Variants in MOCOS observed in about 807,000 individuals in gnomAD.
MOCOS encodes the protein human molybdenum cofactor sulfurase.
A neutral mutation model predicts 83.6 loss-of-function variants in MOCOS; 86 were observed. The observed-to-expected ratio is 1.03, with a 90% CI of 0.86 to 1.23. The LOEUF (loss-of-function observed/expected upper bound fraction) is 1.23, where lower values mean the gene tolerates loss of function less well. MOCOS is among the 50% of genes most tolerant of loss of function. The pLI, the probability that MOCOS is intolerant of heterozygous loss-of-function variation, is 0.00. For missense variants in MOCOS, 1,120 were observed against 1,126.9 expected (o/e 0.99, Z 0.09); for synonymous variants, 445 against 434.7 (o/e 1.02, Z -0.29).
At chr18:36,206,538 GC>G (rs1326813044) in intron 6 of MOCOS, among the ~76,000 whole-genome samples, 2 of 152,060 alleles carry the variant, frequency 1.3e-5, no homozygotes, top group Non-Finnish European at 2.9e-5. Context: ...GAGCCACTGT[GC>G]CCGGCGTTCT....
chr18:36,200,147 C>T lies in MOCOS; in HGVS notation c.764C>T (p.Ala255Val). 1.2e-6 allele frequency: 2 copies of T among 1,614,206 alleles called. No homozygotes were observed. The highest frequency in any genetic ancestry group is 8.5e-7 in the Non-Finnish European group (1 of 1,180,042). Residue 255 changes from alanine to valine, a missense_variant, in exon 4 of 15, where the codon GCC (alanine) becomes GTC (valine). Coordinates refer to ENST00000261326, the MANE Select transcript of MOCOS (RefSeq NM_017947.4). ...CCTTTGGACCTGTCAGCTCACCAGG[C>T]CGACTTTGTCCCCATCTCCTTCTAT... ...TSPLDLSAHQADFVPISFYKI... is the reference protein window; with the variant it reads ...TSPLDLSAHQVDFVPISFYKI...
rs764624608 is a variant in MOCOS, at chr18:36,200,110, G to T, written c.727G>T (p.Val243Leu). The change falls in exon 4 of 15, where the codon GTG becomes TTG. Residue 243 changes from valine to leucine, a missense_variant. Val to Leu is a conservative substitution (Grantham distance 32, BLOSUM62 1). Coordinates refer to ENST00000261326, the MANE Select transcript of MOCOS (RefSeq NM_017947.4). Reference sequence around the variant, plus strand: ...TGTGCTGCTGGATGCAGCCTCCTACGTGAGCACCTCGCCTTTGGACCTGTC... The same window carrying T: ...TGTGCTGCTGGATGCAGCCTCCTACTTGAGCACCTCGCCTTTGGACCTGTC... Reference protein sequence around the residue: ...WFVLLDAASYVSTSPLDLSAH... With the variant: ...WFVLLDAASYLSTSPLDLSAH... 1 of 1,614,220 alleles carries T rather than the reference G, an allele frequency of 6.2e-7. No individual in the cohort carries two copies. The highest frequency in any genetic ancestry group is 8.5e-7 in the Non-Finnish European group (1 of 1,180,042).
Position 36,270,296 on chromosome 18 carries a change from C to T in MOCOS, c.*1611C>T, listed in dbSNP as rs138734432. On this transcript the variant is annotated 3_prime_UTR_variant, in exon 15 of 15. Transcript: ENST00000261326. ...AAAGTAATGGATTTATCCACCTACTCAGGCCAGTTTCATGCAGGAGGGAAC... is the reference window on the plus strand; with the variant it reads ...AAAGTAATGGATTTATCCACCTACTTAGGCCAGTTTCATGCAGGAGGGAAC... The T allele has an allele frequency of 2.6e-5, 4 of 152,356 alleles. No individual in the cohort carries two copies. The East Asian group carries it at 7.7e-4, about 29-fold the overall frequency. The allele number at this position is 152,356 out of a possible 1,614,324, so 9.4% of individuals were successfully genotyped here.
intron 9 of MOCOS, among the ~76,000 whole-genome samples, chr18:36,244,314 G>A (rs546206375): frequency 6.6e-6 from 1 of 151,926 alleles, no homozygotes; most frequent in African/African-American, 2.4e-5. Flanking sequence ...GGTTGTGATT[G>A]GTTGTGTCAC....
Position 36,215,895 on chromosome 18 carries a change from C to T in MOCOS, c.1715C>T (p.Ala572Val). ...RTQPTPSEKA[A>V]GVLEGALGPH... ...CAGCCGACTCCTTCAGAGAAAGCTG[C>T]AGGAGTCCTGGAGGGGGCCCTTGGG... Residue 572 changes from alanine (A) to valine (V), a missense_variant, in exon 8 of 15, where the codon GCA becomes GTA. By Grantham distance (64) the Ala-to-Val change is moderately conservative. Transcript: ENST00000261326. The T allele has an allele frequency of 1.1e-5, 17 of 1,614,062 alleles. No homozygotes were observed. The highest frequency in any genetic ancestry group is 1.4e-5 in the Non-Finnish European group (17 of 1,179,910).
intron 11 of MOCOS, among the ~76,000 whole-genome samples, chr18:36,255,815 G>C (rs1235848532): frequency 1.3e-5 from 2 of 151,934 alleles, no homozygotes; most frequent in Admixed American, 6.6e-5. Context: ...TGGGAACTGG[G>C]TGATAGGGTG....
intron 11 of MOCOS, among the ~76,000 whole-genome samples, chr18:36,251,972 A>AT (rs1201118442): frequency 1.3e-5 from 2 of 151,886 alleles, no homozygotes; most frequent in African/African-American, 2.4e-5. Flanking sequence ...TCAGTGGCAC[A>AT]TTTTTTTCAC....
chr18:36,211,344 G>A (rs78163655), intron 6 of MOCOS, among the ~76,000 whole-genome samples: 2,004 of 152,300 alleles, frequency 0.013, 22 homozygotes, highest in Middle Eastern at 0.041. Context: ...GGGACTCAGA[G>A]TCTGTCTGCC....
rs1301623059 is a variant in MOCOS, at chr18:36,187,688, C to T, written c.142+7C>T. On this transcript the variant is annotated splice_region_variant and intron_variant, in intron 1 of 14. Coordinates refer to ENST00000261326, the MANE Select transcript of MOCOS (RefSeq NM_017947.4). ...GAGTTCAGCCGCCTGGCAGGTGAGG[C>T]GGGCGGGCAGGCTTGGGGGACACGA... 7.1e-6 allele frequency: 9 copies of T among 1,265,044 alleles called. No homozygotes were observed. The highest frequency in any genetic ancestry group is 3.6e-5 in the South Asian group (1 of 28,116). 78.4% of individuals were successfully genotyped at this position (1,265,044 alleles called of 1,614,324 possible).
In MOCOS at chr18:36,198,597, C is replaced by G. The variant is rs370924001; in HGVS notation, c.233-93C>G. The G allele has an allele frequency of 3.9e-6, 5 of 1,287,406 alleles. No homozygotes were observed. The African/African-American group carries it at 5.9e-5, about 15-fold the overall frequency. 79.7% of individuals were successfully genotyped at this position (1,287,406 alleles called of 1,614,324 possible). ...GGTGATATGGTAGTTTTATGTTGAGCTTTTTGAGAAACTGAGGGAGTGGAT... is the reference window on the plus strand; with the variant it reads ...GGTGATATGGTAGTTTTATGTTGAGGTTTTTGAGAAACTGAGGGAGTGGAT... On this transcript the variant is annotated intron_variant, in intron 2 of 14. Transcript: ENST00000261326.
chr18:36,201,734 G>C (rs79185644), intron 4 of MOCOS, among the ~76,000 whole-genome samples: 4 of 150,698 alleles, frequency 2.7e-5, no homozygotes, highest in Non-Finnish European at 4.4e-5. Context: ...CAGAATGGTA[G>C]GGATCAATGT....
At chr18:36,268,463 T>C in intron 14 of MOCOS, 70 bp from the exon 15 acceptor site, 1 of 1,597,966 alleles carries the variant, frequency 6.3e-7, no homozygotes, top group African/African-American at 1.3e-5. Flanking sequence ...TAAACATTAA[T>C]ATTTACAAAG....
At chr18:36,199,548 C>A in intron 3 of MOCOS, 135 bp from the exon 4 acceptor site, 1 of 1,411,066 alleles carries the variant, frequency 7.1e-7, no homozygotes, top group Non-Finnish European at 9.8e-7. Context: ...TGCCCTCGCC[C>A]TAATTTCGCA....
In MOCOS at chr18:36,268,782, A is replaced by C. The variant is rs550927555; in HGVS notation, c.*97A>C. 1 of 1,062,934 alleles carries C rather than the reference A, an allele frequency of 9.4e-7. No individual in the cohort carries two copies. Among genetic ancestry groups the C allele is most frequent in the South Asian group, 1.3e-5 (1 of 75,690 alleles). The allele number at this position is 1,062,934 out of a possible 1,614,324, so 65.8% of individuals were successfully genotyped here. ...GTAGAACTTGATGTTTTGAATAAGG[A>C]GAGCTCTTTTTCTTTAGAGGCAGGG... On this transcript the variant is annotated 3_prime_UTR_variant, in exon 15 of 15. Transcript: ENST00000261326.
At chr18:36,222,016 C>T (rs548215019) in intron 9 of MOCOS, among the ~76,000 whole-genome samples, 13 of 152,292 alleles carry the variant, frequency 8.5e-5, no homozygotes, top group African/African-American at 2.4e-4. Flanking sequence ...TAAGCCACTG[C>T]GCTGGCCCTA....
Position 36,214,932 on chromosome 18 carries a change from G to A in MOCOS, c.1336-584G>A, listed in dbSNP as rs145815400. Among the ~76,000 whole-genome samples, 504 of 152,318 alleles carry A rather than the reference G, an allele frequency of 3.3e-3. 1 individual carries two copies. Among genetic ancestry groups the A allele is most frequent in the Non-Finnish European group, 4.7e-3 (323 of 68,032 alleles). On this transcript the variant is annotated intron_variant, in intron 7 of 14. Coordinates refer to ENST00000261326, the MANE Select transcript of MOCOS (RefSeq NM_017947.4). ...GACCTGTGACCAACACCAGGCAGCC[G>A]GGCTCGGAGACTGAGATTCTCCTGC... is the stretch of plus-strand genomic sequence containing the variant.
At chr18:36,192,128 AAAC>A (rs1376942110) in intron 1 of MOCOS, among the ~76,000 whole-genome samples, 1 of 152,250 alleles carries the variant, frequency 6.6e-6, no homozygotes, top group Non-Finnish European at 1.5e-5. Flanking sequence ...TTAGGCAAGA[AAAC>A]AAAATAGAAG....
chr18:36,235,198 C>T (rs1313662), intron 9 of MOCOS, among the ~76,000 whole-genome samples: 63,667 of 146,236 alleles, frequency 0.44, 14,006 homozygotes, highest in African/African-American at 0.51. Flanking sequence ...TAGTTACATA[C>T]GTATACATGT....
At chr18:36,205,667 T>C (rs1009482484) in intron 6 of MOCOS, among the ~76,000 whole-genome samples, 2 of 152,186 alleles carry the variant, frequency 1.3e-5, no homozygotes, top group Non-Finnish European at 2.9e-5. Flanking sequence ...AGCAGCACTG[T>C]GGGGAATGGA....
Sources: allele counts gnomAD v4.1 joint callset (sites outside exome capture counted in the v4.1 genomes callset), GRCh38; gene constraint gnomAD v4.1.1; transcripts MANE v1.5; gene names NCBI Gene and HGNC (gene_info 2026-07-23, HGNC 2026-07-21).